The following BNC2 variants were observed in gnomAD, a reference collection of about 807,000 sequenced individuals.
The protein encoded by BNC2 is zinc finger protein basonuclin-2.
In BNC2, 20 loss-of-function variants were observed where a neutral mutation model predicts 76.3. The ratio of observed to expected loss-of-function variants is 0.26; its 90% CI spans 0.18 to 0.38. BNC2 has a LOEUF of 0.38. Ranked by LOEUF, BNC2 falls within the 10% of genes least tolerant of loss-of-function variation. BNC2 has a pLI of 1.00. For synonymous variants in BNC2, 582 were observed against 514.8 expected, an observed-to-expected ratio of 1.13 and a Z score of -1.77; for missense variants, 1,382 against 1,399.8, an observed-to-expected ratio of 0.99 and a Z score of 0.20.
Position 16,603,580 on chromosome 9 carries a change from C to T in BNC2, c.331-20495G>A, listed in dbSNP as rs185560329. On this transcript the variant is annotated intron_variant, in intron 3 of 6. Transcript: ENST00000380672. The stretch of plus-strand genomic sequence containing the variant: ...AACACTATTTATCAGCAATAAGCAG[C>T]TCTCAAATGCCATAATAAAGACTCA... 2.8e-3 allele frequency among the ~76,000 whole-genome samples: 427 copies of T among 152,230 alleles called. 3 individuals carry two copies. The highest frequency in any genetic ancestry group is 3.2e-3 in the Non-Finnish European group (218 of 67,998).
intron 5 of BNC2, among the ~76,000 whole-genome samples, chr9:16,522,707 T>C (rs1817657638): frequency 6.6e-6 from 1 of 152,120 alleles, no homozygotes; most frequent in Non-Finnish European, 1.5e-5. Flanking sequence ...CCCCTTTCCA[T>C]CCATTTAATG....
At chr9:16,779,179 C>T (rs969485133) in intron 1 of BNC2, among the ~76,000 whole-genome samples, 1 of 148,458 alleles carries the variant, frequency 6.7e-6, no homozygotes, top group African/African-American at 2.5e-5. Flanking sequence ...TGGCGTGCAC[C>T]TGTAATTCCA....
At chr9:16,660,454 C>CAAA (rs545256437) in intron 3 of BNC2, among the ~76,000 whole-genome samples, 3 of 122,250 alleles carry the variant, frequency 2.5e-5, no homozygotes, top group African/African-American at 8.6e-5. Context: ...AAGTCCATCT[C>CAAA]AAAAAAAAAA....
chr9:16,495,989 A>G (rs1927632), intron 5 of BNC2, among the ~76,000 whole-genome samples: 49,315 of 150,592 alleles, frequency 0.33, 9,059 homozygotes, highest in Non-Finnish European at 0.42. Context: ...GCTTACTACA[A>G]TCTCCACCTC....
chr9:16,745,195 G>A (rs1347882378), intron 1 of BNC2, among the ~76,000 whole-genome samples: 1 of 152,184 alleles, frequency 6.6e-6, no homozygotes, highest in Non-Finnish European at 1.5e-5. Context: ...TAGCATACAA[G>A]TACTAAAGTA....
chr9:16,678,658 T>C (rs1259400390), intron 3 of BNC2, among the ~76,000 whole-genome samples: 2 of 152,038 alleles, frequency 1.3e-5, no homozygotes, highest in Non-Finnish European at 2.9e-5. Context: ...CTTTTTTTTT[T>C]TTTTCAAATT....
At chr9:16,777,460 G>C (rs955122697) in intron 1 of BNC2, among the ~76,000 whole-genome samples, 1 of 152,064 alleles carries the variant, frequency 6.6e-6, no homozygotes, top group African/African-American at 2.4e-5. Flanking sequence ...CAGCACTTTA[G>C]GAGGCCGAGG....
At chr9:16,695,716 G>T (rs938183378) in intron 3 of BNC2, among the ~76,000 whole-genome samples, 2 of 151,874 alleles carry the variant, frequency 1.3e-5, no homozygotes, top group African/African-American at 4.8e-5. Context: ...GTGACGTGAA[G>T]CTCTTCTCAA....
At chr9:16,777,433 G>A (rs530930341) in intron 1 of BNC2, among the ~76,000 whole-genome samples, 124 of 152,192 alleles carry the variant, frequency 8.1e-4, no homozygotes, top group Non-Finnish European at 1.0e-3. Flanking sequence ...GGACACGGTG[G>A]CTCACGCCTG....
chr9:16,789,621 C>A (rs374735241), intron 1 of BNC2, among the ~76,000 whole-genome samples: 2 of 152,180 alleles, frequency 1.3e-5, no homozygotes, highest in African/African-American at 4.8e-5. Flanking sequence ...TACACTCAGG[C>A]TATGTGTTTG....
chr9:16,545,013 T>C (rs1285269814), intron 5 of BNC2, among the ~76,000 whole-genome samples: 1 of 152,140 alleles, frequency 6.6e-6, no homozygotes, highest in Non-Finnish European at 1.5e-5. Context: ...CTAACAGAGC[T>C]ACCAAAAAGT....
chr9:16,553,788 C>T (rs1308133775), intron 4 of BNC2, among the ~76,000 whole-genome samples: 1 of 152,196 alleles, frequency 6.6e-6, no homozygotes, highest in Non-Finnish European at 1.5e-5. Context: ...AGTTACTGCA[C>T]ACCCTATTGC....
intron 1 of BNC2, among the ~76,000 whole-genome samples, chr9:16,768,620 G>GT (rs1447760752): frequency 6.6e-6 from 1 of 151,746 alleles, no homozygotes; most frequent in East Asian, 1.9e-4. Flanking sequence ...TGAGGGGGGT[G>GT]GAATCCAACC....
chr9:16,633,171 CAGTT>C (rs1214006125), intron 3 of BNC2, among the ~76,000 whole-genome samples: 1 of 152,104 alleles, frequency 6.6e-6, no homozygotes, highest in Non-Finnish European at 1.5e-5. Flanking sequence ...TAACGAAGAG[CAGTT>C]AGTTATAAAT....
intron 1 of BNC2, among the ~76,000 whole-genome samples, chr9:16,778,260 G>A (rs1563938764): frequency 6.6e-6 from 1 of 152,092 alleles, no homozygotes; most frequent in Non-Finnish European, 1.5e-5. Context: ...TTCTTTTTAA[G>A]GCAATAAATG....
chr9:16,631,527 G>A (rs936499654), intron 3 of BNC2, among the ~76,000 whole-genome samples: 6 of 152,090 alleles, frequency 3.9e-5, no homozygotes, highest in African/African-American at 1.4e-4. Context: ...CCTATAACAA[G>A]GGACTTAGAA....
At chr9:16,698,973 A>G (rs1823427958) in intron 3 of BNC2, among the ~76,000 whole-genome samples, 1 of 152,218 alleles carries the variant, frequency 6.6e-6, no homozygotes, top group East Asian at 1.9e-4. Flanking sequence ...GTTGTATTTA[A>G]AAGTTTTAAA....
chr9:16,764,156 G>C (rs1377068296), intron 1 of BNC2, among the ~76,000 whole-genome samples: 2 of 152,154 alleles, frequency 1.3e-5, no homozygotes, highest in Non-Finnish European at 2.9e-5. Context: ...CCCACCCTTG[G>C]GGTGTGTAGC....
chr9:16,845,483 A>G (rs1245123837), intron 1 of BNC2, among the ~76,000 whole-genome samples: 1 of 152,132 alleles, frequency 6.6e-6, no homozygotes, highest in African/African-American at 2.4e-5. Context: ...GCAATTTGGG[A>G]GGCCAAGGCG....
Sources: gnomAD v4.1 joint callset for allele counts (sites outside exome capture counted in the v4.1 genomes callset) on GRCh38, gnomAD v4.1.1 for gene constraint, MANE v1.5 for transcripts, NCBI Gene and HGNC (gene_info 2026-07-23, HGNC 2026-07-21) for gene names.